SPATA13: variants seen among roughly 807,000 people sequenced by gnomAD.
SPATA13 encodes spermatogenesis associated 13.
SPATA13 carries 50 observed loss-of-function variants against 104.0 expected under a neutral mutation model. The ratio of observed to expected loss-of-function variants is 0.48; its 90% CI spans 0.38 to 0.61. The LOEUF is 0.61. Among genes scored for constraint, SPATA13 ranks in the 20% least tolerant of loss-of-function variants. The probability of loss-of-function intolerance (pLI) is 0.00; values close to 1 mark genes in which losing one functional copy is unlikely to be tolerated. For synonymous variants in SPATA13, 606 were observed against 667.5 expected (o/e 0.91, Z 1.42); for missense variants, 1,524 against 1,690.6 (o/e 0.90, Z 1.73).
chr13:24,145,187 G>T lies in SPATA13; in HGVS notation c.-111-77632G>T, dbSNP rs758999816. On this transcript the variant is annotated intron_variant, in intron 3 of 14. Coordinates refer to the SPATA13 transcript ENST00000424834. ...GTGTCAGAAAGAGACAGTGTGAAAG[G>T]CACTTGATTAAAATGTGTAAATCCT... Among the ~76,000 whole-genome samples the T allele has an allele frequency of 3.9e-5, 6 of 152,196 alleles. No homozygotes were observed. The East Asian group carries it at 1.2e-3, about 29-fold the overall frequency.
In SPATA13 at chr13:24,215,767, G is replaced by C. The variant is rs536322822; in HGVS notation, c.-111-7052G>C. Among the ~76,000 whole-genome samples, 527 of 152,246 alleles carry C rather than the reference G, an allele frequency of 3.5e-3. 3 individuals are homozygous for C. Among genetic ancestry groups the C allele is most frequent in the Admixed American group, 5.3e-3 (81 of 15,296 alleles). ...TCAGTGAACACAGCTCCAGATTTGG[G>C]CCAGTCTGCCTCTGCCAAGCAGAGA... On this transcript the variant is annotated intron_variant, in intron 1 of 12. Transcript: ENST00000382108.
At chr13:24,028,710 A>G (rs544204479) in intron 3 of SPATA13, among the ~76,000 whole-genome samples, 17 of 152,322 alleles carry the variant, frequency 1.1e-4, no homozygotes, top group Non-Finnish European at 1.6e-4. Flanking sequence ...TTCCAATTGA[A>G]TGTTTGTCCG....
In SPATA13 at chr13:24,223,076, T is replaced by TG; in HGVS notation, c.149dup (p.Val51SerfsTer65). ...TGGTGACCTCCCTTGCGTGTGGAAA[T>TG]GGAGTCTGTGGCTGCAGCCCTGGTG... On this transcript the variant is annotated frameshift_variant, in exon 2 of 13. Transcript: ENST00000382108. LOFTEE classifies it high-confidence loss of function. 1 of 1,551,626 alleles carries TG rather than the reference T, an allele frequency of 6.4e-7. No individual in the cohort carries two copies. Among genetic ancestry groups the TG allele is most frequent in the Non-Finnish European group, 8.7e-7 (1 of 1,146,982 alleles).
At chr13:24,076,611 G>A (rs1028415895) in intron 3 of SPATA13, among the ~76,000 whole-genome samples, 2 of 151,964 alleles carry the variant, frequency 1.3e-5, no homozygotes, top group Admixed American at 1.3e-4. Flanking sequence ...TTGTGGCTCT[G>A]GTGACCCGGG....
At chr13:24,028,546 G>C (rs1196858869) in intron 3 of SPATA13, among the ~76,000 whole-genome samples, 1 of 152,082 alleles carries the variant, frequency 6.6e-6, no homozygotes, top group Non-Finnish European at 1.5e-5. Flanking sequence ...ATCTTTTTTT[G>C]ACTTTGGCAT....
chr13:24,122,895 A>T, intron 3 of SPATA13: 1 of 775,084 alleles, frequency 1.3e-6, no homozygotes, highest in Non-Finnish European at 2.4e-6. Context: ...CTGTAAGCAG[A>T]TTCCCTCGAG....
At chr13:24,146,475 A>C (rs1051701131) in intron 3 of SPATA13, among the ~76,000 whole-genome samples, 2 of 152,240 alleles carry the variant, frequency 1.3e-5, no homozygotes, top group Admixed American at 6.5e-5. Flanking sequence ...AGGAATTGGT[A>C]ACTAAAATTG....
intron 1 of SPATA13, among the ~76,000 whole-genome samples, chr13:24,201,139 G>T (rs1447264898): frequency 6.6e-6 from 1 of 151,302 alleles, no homozygotes; most frequent in Non-Finnish European, 1.5e-5. Flanking sequence ...CCTTGCCTTA[G>T]TGAGGTTATC....
intron 1 of SPATA13, among the ~76,000 whole-genome samples, chr13:23,982,926 T>C (rs4769297): frequency 0.14 from 20,648 of 152,148 alleles, 1,780 homozygotes; most frequent in Admixed American, 0.26. Flanking sequence ...CCTCACCTCC[T>C]CAAGGCTGCT....
chr13:24,279,967 G>A (rs1347809798), intron 4 of SPATA13, among the ~76,000 whole-genome samples: 1 of 152,206 alleles, frequency 6.6e-6, no homozygotes, highest in African/African-American at 2.4e-5. Flanking sequence ...AACAGTTGCT[G>A]TTGAAACCTC....
chr13:24,300,037 G>A (rs902613603), intron 11 of SPATA13, among the ~76,000 whole-genome samples: 1 of 152,152 alleles, frequency 6.6e-6, no homozygotes, highest in African/African-American at 2.4e-5. Context: ...ACACGCCCTG[G>A]GACCCTTTGC....
intron 3 of SPATA13, among the ~76,000 whole-genome samples, chr13:24,043,283 G>T (rs1473664834): frequency 6.6e-6 from 1 of 151,564 alleles, no homozygotes; most frequent in Non-Finnish European, 1.5e-5. Context: ...GTGGGTTGGA[G>T]CCTAGGAGTC....
intron 2 of SPATA13, among the ~76,000 whole-genome samples, chr13:23,987,946 C>CT (rs1302233254): frequency 0.066 from 9,340 of 142,218 alleles, 338 homozygotes; most frequent in Middle Eastern, 0.12. Flanking sequence ...TTTTGTTTCT[C>CT]TTTTTTTTTT....
At chr13:24,138,200 G>A (rs904863788) in intron 3 of SPATA13, among the ~76,000 whole-genome samples, 2 of 151,690 alleles carry the variant, frequency 1.3e-5, no homozygotes, top group African/African-American at 2.4e-5. Context: ...CCAGCTACTC[G>A]GGAGGCTGAG....
chr13:24,159,682 TATA>T (rs1882386629), upstream of SPATA13, among the ~76,000 whole-genome samples: 1 of 152,238 alleles, frequency 6.6e-6, no homozygotes, highest in Non-Finnish European at 1.5e-5. Flanking sequence ...AAGCCACCAT[TATA>T]ATGTCATACA....
At chr13:24,210,869 A>G (rs1870976229) in intron 1 of SPATA13, among the ~76,000 whole-genome samples, 1 of 151,228 alleles carries the variant, frequency 6.6e-6, no homozygotes, top group Non-Finnish European at 1.5e-5. Flanking sequence ...CTCCTAATTC[A>G]TGTTTATAGG....
intron 3 of SPATA13, among the ~76,000 whole-genome samples, chr13:24,059,421 A>T (rs1878700585): frequency 6.8e-6 from 1 of 146,622 alleles, no homozygotes; most frequent in Non-Finnish European, 1.5e-5. Flanking sequence ...CTTGATTTCC[A>T]GTCTCACTGG....
At chr13:24,123,963 A>G (rs954278809) in intron 3 of SPATA13, 5 of 513,776 alleles carry the variant, frequency 9.7e-6, no homozygotes, top group Non-Finnish European at 1.4e-5. Context: ...GACTCTGGCC[A>G]TGGGAAAGGA....
At chr13:24,299,515 C>T (rs563063728) in intron 11 of SPATA13, among the ~76,000 whole-genome samples, 18 of 152,310 alleles carry the variant, frequency 1.2e-4, no homozygotes, top group African/African-American at 3.6e-4. Context: ...AGGGACAGCC[C>T]GGTGGCCAGC....
Sources: gnomAD v4.1 joint callset for allele counts (sites outside exome capture counted in the v4.1 genomes callset) on GRCh38, gnomAD v4.1.1 for gene constraint, MANE v1.5 for transcripts, NCBI Gene and HGNC (gene_info 2026-07-23, HGNC 2026-07-21) for gene names.